POU6F1: variants seen among roughly 807,000 people sequenced by gnomAD.
POU6F1 encodes POU class 6 homeobox 1, also known as POU domain, class 6, transcription factor 1.
In POU6F1, 9 loss-of-function variants were observed where a neutral mutation model predicts 28.9. That is an observed-to-expected ratio of 0.31 (90% CI 0.19 to 0.54). The LOEUF is 0.54. POU6F1 is among the 20% of genes least tolerant of loss of function. The pLI is 0.94. For missense variants in POU6F1, 338 were observed against 426.1 expected (o/e 0.79, Z 1.82); for synonymous variants, 173 against 171.1 (o/e 1.01, Z -0.09).
At chr12:51,208,011 G>A (rs1204249773) in intron 1 of POU6F1, among the ~76,000 whole-genome samples, 1 of 151,776 alleles carries the variant, frequency 6.6e-6, no homozygotes, top group Non-Finnish European at 1.5e-5. Context: ...AGAGGCTCAC[G>A]CCTGTAATCC....
chr12:51,212,188 G>C (rs969398178), intron 1 of POU6F1, among the ~76,000 whole-genome samples: 18 of 151,926 alleles, frequency 1.2e-4, no homozygotes, highest in African/African-American at 4.4e-4. Flanking sequence ...CCGCCTCCCG[G>C]GTTCAGGTGA....
Position 51,189,338 on chromosome 12 carries a change from CTTAT to C in POU6F1, c.*905_*908del. The C allele has an allele frequency of 1.3e-5, 2 of 152,204 alleles. No homozygotes were observed. The highest frequency in any genetic ancestry group is 6.8e-3 in the Middle Eastern group (2 of 294). 9.4% of individuals were successfully genotyped at this position (152,204 alleles called of 1,614,324 possible). On this transcript the variant is annotated 3_prime_UTR_variant, in exon 11 of 11. Coordinates refer to ENST00000333640, the MANE Select transcript of POU6F1 (RefSeq NM_001330422.2). Reference sequence around the variant, plus strand: ...GAAAGAGAAAGTCAGCATTCCTTTCCTTATTTTTCTCCAGAGTTGCCCGTTTGCT... The same window carrying C: ...GAAAGAGAAAGTCAGCATTCCTTTCCTTTTCTCCAGAGTTGCCCGTTTGCT...
chr12:51,197,724 G>A (rs1216285420), intron 6 of POU6F1, 46 bp downstream of exon 6: 2 of 399,316 alleles, frequency 5.0e-6, no homozygotes, highest in African/African-American at 2.1e-5. Flanking sequence ...CTTGGCCCAT[G>A]ATTCCGTCCA....
chr12:51,201,415 G>A (rs1943196170), intron 3 of POU6F1, among the ~76,000 whole-genome samples: 1 of 152,018 alleles, frequency 6.6e-6, no homozygotes, highest in Admixed American at 6.6e-5. Context: ...AGTAGCCCAC[G>A]CCTGTAATCC....
chr12:51,193,256 T>C (rs1942566848), intron 8 of POU6F1, among the ~76,000 whole-genome samples: 3 of 152,196 alleles, frequency 2.0e-5, no homozygotes, highest in South Asian at 4.1e-4. Context: ...GGAGAAGGTA[T>C]ACCTCTTAAC....
rs1942291966 is a variant in POU6F1, at chr12:51,190,139, G to A, written c.*108C>T. On this transcript the variant is annotated 3_prime_UTR_variant, in exon 11 of 11. Coordinates refer to ENST00000333640, the MANE Select transcript of POU6F1 (RefSeq NM_001330422.2). The surrounding 1 kb of genome is among the most constrained non-coding windows in gnomAD (Gnocchi z 4.5). ...ACGGTGGAGTCTGATGACCTGGGGT[G>A]AGCACAGCTGCACGTGGCAAAATGA... 2.0e-6 allele frequency: 3 copies of A among 1,474,996 alleles called. No homozygotes were observed. Among genetic ancestry groups the A allele is most frequent in the African/African-American group, 1.4e-5 (1 of 71,340 alleles). The allele number at this position is 1,474,996 out of a possible 1,614,324, so 91.4% of individuals were successfully genotyped here.
At chr12:51,192,217 C>T (rs1226614553) in intron 9 of POU6F1, 113 bp downstream of exon 9, 4 of 1,424,922 alleles carry the variant, frequency 2.8e-6, no homozygotes, top group Non-Finnish European at 3.8e-6. Context: ...TATTGGGCCT[C>T]TGCCCTTCCC....
intron 3 of POU6F1, among the ~76,000 whole-genome samples, chr12:51,203,273 A>T (rs143831534): frequency 2.0e-5 from 3 of 152,024 alleles, no homozygotes; most frequent in African/African-American, 7.3e-5. Context: ...TGAGGGCATG[A>T]TGAATAAACC....
chr12:51,204,815 A>G (rs1943467339), intron 2 of POU6F1, among the ~76,000 whole-genome samples: 1 of 152,110 alleles, frequency 6.6e-6, no homozygotes, highest in Admixed American at 6.6e-5. Flanking sequence ...ATCCCTCTTC[A>G]CTTCCCTTGA....
intron 1 of POU6F1, among the ~76,000 whole-genome samples, chr12:51,212,032 T>C (rs1039735422): frequency 1.4e-4 from 22 of 152,240 alleles, no homozygotes; most frequent in African/African-American, 5.3e-4. Context: ...GAGATCCTAT[T>C]AGAAGAAATC....
intron 4 of POU6F1, among the ~76,000 whole-genome samples, chr12:51,198,976 T>C (rs2137139931): frequency 6.6e-6 from 1 of 152,284 alleles, no homozygotes; most frequent in East Asian, 1.9e-4. Context: ...CCGACTATCC[T>C]GCCTTCAGAG....
rs1248297211 is a variant in POU6F1 at position 51,195,956 on chromosome 12, C to CCG, written c.1179+13_1179+14insCG. On this transcript the variant is annotated intron_variant, in intron 8 of 10. Coordinates refer to ENST00000333640, the MANE Select transcript of POU6F1 (RefSeq NM_001330422.2). Reference sequence around the variant, plus strand: ...AGAGCCTGCCCCACCCCCCACCCCCCCCAGCCCCTGTACCTCACTCTTAGC... The same window carrying CCG: ...AGAGCCTGCCCCACCCCCCACCCCCCCGCCAGCCCCTGTACCTCACTCTTAGC... 2 of 1,517,364 alleles carry CCG rather than the reference C, an allele frequency of 1.3e-6. No homozygotes were observed. Among genetic ancestry groups the CCG allele is most frequent in the African/African-American group, 2.8e-5 (2 of 71,934 alleles). 94.0% of individuals were successfully genotyped at this position (1,517,364 alleles called of 1,614,324 possible).
chr12:51,208,150 A>G (rs1300562961), intron 1 of POU6F1, among the ~76,000 whole-genome samples: 1 of 150,300 alleles, frequency 6.7e-6, no homozygotes, highest in African/African-American at 2.4e-5. Context: ...ATGATGGCGC[A>G]TGCCTATAGT....
At position 51,195,887 on chromosome 12, in the gene POU6F1, G is replaced by A. The variant is rs551735148; in HGVS notation, c.1179+83C>T. 4.1e-5 allele frequency: 58 copies of A among 1,419,128 alleles called. 1 individual carries two copies. The South Asian group carries it at 7.8e-4, about 19-fold the overall frequency. 87.9% of individuals were successfully genotyped at this position (1,419,128 alleles called of 1,614,324 possible). ...ACTCCCAGGAGTTTCAGAAGATGCT[G>A]TCCTGCCTGGCAGTCTGGAGGGAAG... is the stretch of plus-strand genomic sequence containing the variant. On this transcript the variant is annotated intron_variant, in intron 8 of 10. Coordinates refer to ENST00000333640, the MANE Select transcript of POU6F1 (RefSeq NM_001330422.2).
At chr12:51,206,941 A>G in intron 1 of POU6F1, 58 bp from the exon 2 acceptor site, 1 of 397,396 alleles carries the variant, frequency 2.5e-6, no homozygotes, top group Non-Finnish European at 4.4e-6. Context: ...TACAATTTCT[A>G]TACCATCTAG....
intron 10 of POU6F1, 84 bp downstream of exon 10, chr12:51,191,512 G>A: frequency 6.7e-7 from 1 of 1,483,914 alleles, no homozygotes; most frequent in East Asian, 2.3e-5. Flanking sequence ...ATGGAAAAGG[G>A]GCCGGTGCTC....
In POU6F1 at chr12:51,200,037, A is replaced by G. The variant is rs899400502; in HGVS notation, c.245-169T>C. 2.3e-4 allele frequency among the ~76,000 whole-genome samples: 35 copies of G among 152,144 alleles called. 1 individual carries two copies. Among genetic ancestry groups the G allele is most frequent in the Admixed American group, 2.2e-3 (34 of 15,282 alleles). ...AATTGTTGGTCTTCCCTGGCCCATG[A>G]GGCAGCTTCCTGAATGCTACGGTGG... On this transcript the variant is annotated intron_variant, in intron 3 of 10. Coordinates refer to ENST00000333640, the MANE Select transcript of POU6F1 (RefSeq NM_001330422.2).
chr12:51,211,316 A>C (rs115202373), intron 1 of POU6F1, among the ~76,000 whole-genome samples: 1 of 152,324 alleles, frequency 6.6e-6, no homozygotes, highest in African/African-American at 2.4e-5. Context: ...GCCAGAGCCC[A>C]CCAAGGGCCC....
intron 1 of POU6F1, chr12:51,207,717 A>T (rs1157141921): frequency 6.6e-6 from 1 of 152,276 alleles, no homozygotes; most frequent in Non-Finnish European, 1.5e-5. Context: ...ACAGAGTAAT[A>T]ATTTAAAAAT....
Sources: gnomAD v4.1 joint callset for allele counts (sites outside exome capture counted in the v4.1 genomes callset) on GRCh38, gnomAD v4.1.1 for gene constraint, Gnocchi (gnomAD v3.1) non-coding constraint, MANE v1.5 for transcripts, NCBI Gene and HGNC (gene_info 2026-07-23, HGNC 2026-07-21) for gene names.